The following SRGAP1 variants were observed in gnomAD, a reference collection of about 807,000 sequenced individuals.
The protein encoded by SRGAP1 is SLIT-ROBO Rho GTPase activating protein 1, also known as SLIT-ROBO Rho GTPase-activating protein 1.
SRGAP1 carries 43 observed loss-of-function variants against 121.9 expected under a neutral mutation model. The observed-to-expected ratio is 0.35, with a 90% CI of 0.28 to 0.46. The LOEUF (loss-of-function observed/expected upper bound fraction) is 0.46, where lower values mean the gene tolerates loss of function less well. Ranked by LOEUF, SRGAP1 falls within the 20% of genes least tolerant of loss-of-function variation. The probability of loss-of-function intolerance (pLI) is 1.00; values close to 1 mark genes in which losing one functional copy is unlikely to be tolerated. For synonymous variants in SRGAP1, 447 were observed against 485.4 expected, an observed-to-expected ratio of 0.92 and a Z score of 1.04; for missense variants, 1,102 against 1,350.9, an observed-to-expected ratio of 0.82 and a Z score of 2.89.
At chr12:64,095,084 A>AT (rs777239269) in intron 13 of SRGAP1, 43 bp from the exon 14 acceptor site, 21 of 1,608,616 alleles carry the variant, frequency 1.3e-5, no homozygotes, top group Non-Finnish European at 1.8e-5. Flanking sequence ...GACCTAGACA[A>AT]TGTGATGGGG....
intron 1 of SRGAP1, among the ~76,000 whole-genome samples, chr12:63,907,661 TG>T (rs1235784195): frequency 6.6e-6 from 1 of 152,274 alleles, no homozygotes; most frequent in Non-Finnish European, 1.5e-5. Context: ...AAATATGTTC[TG>T]TCATCCCGTG....
chr12:64,040,023 A>G (rs757454719), intron 4 of SRGAP1, among the ~76,000 whole-genome samples: 2 of 152,272 alleles, frequency 1.3e-5, no homozygotes, highest in African/African-American at 2.4e-5. Flanking sequence ...TGCCTTTAAC[A>G]TGATTTACCA....
intron 1 of SRGAP1, among the ~76,000 whole-genome samples, chr12:63,861,914 G>C (rs1417135134): frequency 6.6e-6 from 1 of 152,090 alleles, no homozygotes; most frequent in Non-Finnish European, 1.5e-5. Context: ...CTGAGGTCAG[G>C]AGTTTGAGAC....
At chr12:63,901,212 T>C (rs1024138100) in intron 1 of SRGAP1, among the ~76,000 whole-genome samples, 20 of 152,208 alleles carry the variant, frequency 1.3e-4, no homozygotes, top group African/African-American at 4.8e-4. Context: ...CTAATATGGT[T>C]TGTTCTTGCT....
At chr12:63,859,667 A>G (rs1352033879) in intron 1 of SRGAP1, among the ~76,000 whole-genome samples, 1 of 152,200 alleles carries the variant, frequency 6.6e-6, no homozygotes, top group African/African-American at 2.4e-5. Flanking sequence ...TATAAACGCT[A>G]TTACTAATAT....
At chr12:64,125,299 CTG>C (rs1419447055) in intron 18 of SRGAP1, among the ~76,000 whole-genome samples, 1 of 152,002 alleles carries the variant, frequency 6.6e-6, no homozygotes, top group Non-Finnish European at 1.5e-5. Context: ...AATTTTGCAT[CTG>C]TTTTTTTAAT....
chr12:63,906,314 GT>G (rs961416782), intron 1 of SRGAP1, among the ~76,000 whole-genome samples: 1 of 150,914 alleles, frequency 6.6e-6, no homozygotes, highest in East Asian at 1.9e-4. Context: ...TTTGTTTCTG[GT>G]TTTTTTTGTT....
intron 1 of SRGAP1, among the ~76,000 whole-genome samples, chr12:63,889,125 A>G (rs1483059228): frequency 6.6e-6 from 1 of 152,194 alleles, no homozygotes; most frequent in Non-Finnish European, 1.5e-5. Context: ...CCCTGAAAGC[A>G]CACATGGGGA....
Position 64,129,972 on chromosome 12 carries a change from C to CGTG in SRGAP1, c.2880+1775_2880+1777dup, listed in dbSNP as rs1290752445. 3.9e-4 allele frequency among the ~76,000 whole-genome samples: 55 copies of CGTG among 140,670 alleles called. 1 individual carries two copies. Among genetic ancestry groups the CGTG allele is most frequent in the South Asian group, 6.4e-4 (3 of 4,708 alleles). 92.3% of individuals were successfully genotyped at this position (140,670 alleles called of 152,430 possible). ...GCCTTCAGCAAGCACCTCAGCAGGT[C>CGTG]GTGGTTGTTGTTGTTGTTGTTGTTG... On this transcript the variant is annotated intron_variant, in intron 21 of 21. Coordinates refer to ENST00000355086, the MANE Select transcript of SRGAP1 (RefSeq NM_020762.4).
At chr12:64,021,332 AAG>A (rs2034544402) in intron 4 of SRGAP1, among the ~76,000 whole-genome samples, 1 of 152,232 alleles carries the variant, frequency 6.6e-6, no homozygotes, top group African/African-American at 2.4e-5. Context: ...TTGAAAGAGA[AAG>A]AGAGTGATTT....
At position 63,852,928 on chromosome 12, in the gene SRGAP1, A is replaced by C. The variant is rs74099335; in HGVS notation, c.67+8045A>C. On this transcript the variant is annotated intron_variant, in intron 1 of 21. Coordinates refer to ENST00000355086, the MANE Select transcript of SRGAP1 (RefSeq NM_020762.4). ...CATTAAACATTTATTACATGAGAAG[A>C]GGAATAATTTGGAATAATAATTCCT... is the stretch of plus-strand genomic sequence containing the variant. 2.2e-3 allele frequency among the ~76,000 whole-genome samples: 332 copies of C among 152,144 alleles called. 3 individuals are homozygous for C. The highest frequency in any genetic ancestry group is 7.6e-3 in the African/African-American group (315 of 41,512).
rs752441969 is a variant in SRGAP1 at position 63,935,208 on chromosome 12, A to G, written c.68-48739A>G. Among the ~76,000 whole-genome samples, 9 of 152,334 alleles carry G rather than the reference A, an allele frequency of 5.9e-5. No individual in the cohort carries two copies. The East Asian group carries it at 1.7e-3, about 29-fold the overall frequency. ...AATAAAAATGAGCCCATGAAGTCAT[A>G]TGGAGAGTCTGAGCAATGGAATATT... On this transcript the variant is annotated intron_variant, in intron 1 of 21. Transcript: ENST00000355086.
At chr12:64,130,664 C>A (rs553653143) in intron 21 of SRGAP1, among the ~76,000 whole-genome samples, 5 of 152,292 alleles carry the variant, frequency 3.3e-5, no homozygotes, top group African/African-American at 1.2e-4. Context: ...TGATAGGGAG[C>A]ATGGTAAGAC....
chr12:63,954,631 T>G (rs538365074), intron 1 of SRGAP1, among the ~76,000 whole-genome samples: 1 of 138,350 alleles, frequency 7.2e-6, no homozygotes, highest in South Asian at 2.3e-4. Context: ...TGAGCCGAGA[T>G]CGTGCCACTG....
intron 3 of SRGAP1, among the ~76,000 whole-genome samples, chr12:64,016,341 G>A (rs748264112): frequency 6.6e-6 from 1 of 152,084 alleles, no homozygotes; most frequent in Non-Finnish European, 1.5e-5. Context: ...ATAAAAACTA[G>A]TTGGGTTTGG....
intron 6 of SRGAP1, among the ~76,000 whole-genome samples, chr12:64,060,804 C>T (rs2035437981): frequency 6.6e-6 from 1 of 152,126 alleles, no homozygotes. Context: ...GCGACTCCTC[C>T]ACTATTTTAA....
chr12:64,022,158 T>G (rs1454842951), intron 4 of SRGAP1, among the ~76,000 whole-genome samples: 3 of 151,246 alleles, frequency 2.0e-5, no homozygotes, highest in South Asian at 2.1e-4. Context: ...ACAGAATGGG[T>G]GTGTGTGTGT....
chr12:64,109,069 A>G (rs762711702), intron 16 of SRGAP1, 32 bp downstream of exon 16: 2 of 1,388,412 alleles, frequency 1.4e-6, no homozygotes, highest in Admixed American at 2.0e-5. Flanking sequence ...CAAAAGGCCC[A>G]TCTGAATTCT....
chr12:63,959,708 A>G lies in SRGAP1; in HGVS notation c.68-24239A>G, dbSNP rs371579144. Among the ~76,000 whole-genome samples, 3 of 152,300 alleles carry G rather than the reference A, an allele frequency of 2.0e-5. No homozygotes were observed. The East Asian group carries it at 5.8e-4, about 29-fold the overall frequency. On this transcript the variant is annotated intron_variant, in intron 1 of 21. Coordinates refer to ENST00000355086, the MANE Select transcript of SRGAP1 (RefSeq NM_020762.4). ...TAATAATTACGTTTATTGAAGATCT[A>G]CACTGTATTGGGCATGAAATAGTAT...
Sources: allele counts gnomAD v4.1 joint callset (sites outside exome capture counted in the v4.1 genomes callset), GRCh38; gene constraint gnomAD v4.1.1; transcripts MANE v1.5; gene names NCBI Gene and HGNC (gene_info 2026-07-23, HGNC 2026-07-21).